The following MAPRE2 variants were observed in gnomAD, a reference collection of about 807,000 sequenced individuals.
MAPRE2 encodes microtubule associated protein RP/EB family member 2, also known as microtubule-associated protein RP/EB family member 2.
In MAPRE2, 13 loss-of-function variants were observed where a neutral mutation model predicts 43.2. That is an observed-to-expected ratio of 0.30 (90% confidence interval 0.20 to 0.48). The LOEUF is 0.48. Among genes scored for constraint, MAPRE2 ranks in the 20% least tolerant of loss-of-function variants. The pLI is 0.99. For missense variants in MAPRE2, 161 were observed against 400.2 expected (o/e 0.40, Z 5.10); for synonymous variants, 135 against 148.8 (o/e 0.91, Z 0.68).
At chr18:35,101,350 C>G (rs141533756) in intron 3 of MAPRE2, among the ~76,000 whole-genome samples, 1 of 152,116 alleles carries the variant, frequency 6.6e-6, no homozygotes, top group Non-Finnish European at 1.5e-5. Context: ...AGAAGCACAT[C>G]GTGGAGAATC....
chr18:35,096,781 TTAA>T (rs1908442201), intron 2 of MAPRE2, among the ~76,000 whole-genome samples: 2 of 151,816 alleles, frequency 1.3e-5, no homozygotes, highest in African/African-American at 4.8e-5. Flanking sequence ...GTAATAATAG[TTAA>T]TAAGTATAAG....
chr18:35,078,606 A>C (rs1448569555), intron 2 of MAPRE2, among the ~76,000 whole-genome samples: 1 of 152,194 alleles, frequency 6.6e-6, no homozygotes, highest in Non-Finnish European at 1.5e-5. Flanking sequence ...ATCATAGCCC[A>C]GTACTCTCAT....
intron 1 of MAPRE2, among the ~76,000 whole-genome samples, chr18:35,058,566 A>G (rs1160209608): frequency 6.6e-6 from 1 of 152,206 alleles, no homozygotes; most frequent in African/African-American, 2.4e-5. Context: ...CTTGAACCTC[A>G]AATCTGTAGT....
intron 1 of MAPRE2, among the ~76,000 whole-genome samples, chr18:34,986,015 C>G (rs2097020817): frequency 6.6e-6 from 1 of 151,908 alleles, no homozygotes; most frequent in Non-Finnish European, 1.5e-5. Context: ...AAGTCTTCTG[C>G]TAACAGGCAA....
intron 2 of MAPRE2, among the ~76,000 whole-genome samples, chr18:35,078,401 A>T (rs1343319026): frequency 6.6e-6 from 1 of 152,232 alleles, no homozygotes; most frequent in African/African-American, 2.4e-5. Context: ...CATTAGGGGT[A>T]TAATGATGTC....
intron 1 of MAPRE2, among the ~76,000 whole-genome samples, chr18:35,047,079 C>G (rs1197070254): frequency 6.6e-6 from 1 of 152,186 alleles, no homozygotes; most frequent in Non-Finnish European, 1.5e-5. Context: ...GGGCCAATTC[C>G]TCTGACAGTT....
chr18:35,003,101 G>T (rs1239275511), intron 1 of MAPRE2, among the ~76,000 whole-genome samples: 1 of 152,130 alleles, frequency 6.6e-6, no homozygotes, highest in Non-Finnish European at 1.5e-5. Context: ...GACAATGAGA[G>T]CTCTACTCCT....
chr18:35,058,001 G>T (rs753782914), intron 1 of MAPRE2, among the ~76,000 whole-genome samples: 3 of 152,196 alleles, frequency 2.0e-5, no homozygotes, highest in Admixed American at 6.5e-5. Context: ...TATATAATTT[G>T]CAGTTTCTTC....
chr18:35,064,000 TAAAAAAAAAAAAAAAAAAAA>T (rs575347953), intron 1 of MAPRE2, among the ~76,000 whole-genome samples: 21 of 33,974 alleles, frequency 6.2e-4, no homozygotes, highest in South Asian at 1.8e-3. Context: ...CCTGTCTCTT[TAAAAAAAAAAAAAAAAAAAA>T]AAAAAAAAAA....
At chr18:35,057,195 A>G (rs572912873) in intron 1 of MAPRE2, among the ~76,000 whole-genome samples, 54 of 152,160 alleles carry the variant, frequency 3.5e-4, no homozygotes, top group African/African-American at 1.1e-3. Context: ...TTGTATTTTT[A>G]GTAGAGATGG....
At chr18:35,101,510 C>G (rs999324391) in intron 3 of MAPRE2, among the ~76,000 whole-genome samples, 5 of 152,134 alleles carry the variant, frequency 3.3e-5, no homozygotes, top group Non-Finnish European at 7.4e-5. Flanking sequence ...TTCTTTCTAA[C>G]TTTTTTGTAC....
intron 1 of MAPRE2, among the ~76,000 whole-genome samples, chr18:35,065,588 C>T (rs1282580928): frequency 1.3e-5 from 2 of 151,842 alleles, no homozygotes; most frequent in Admixed American, 6.6e-5. Context: ...CGGAGTTTCA[C>T]TGTCACCCAG....
At chr18:35,082,797 T>A (rs1907704428) in intron 2 of MAPRE2, among the ~76,000 whole-genome samples, 1 of 152,144 alleles carries the variant, frequency 6.6e-6, no homozygotes, top group Non-Finnish European at 1.5e-5. Context: ...GTTGTTTTTT[T>A]ATTGGGCAGA....
intron 2 of MAPRE2, among the ~76,000 whole-genome samples, chr18:35,020,969 G>T (rs772362654): frequency 2.6e-5 from 4 of 152,116 alleles, no homozygotes; most frequent in Non-Finnish European, 5.9e-5. Flanking sequence ...ACAGAATTAG[G>T]GGTATCCTGG....
intron 3 of MAPRE2, among the ~76,000 whole-genome samples, chr18:35,099,634 T>G (rs1301730620): frequency 8.5e-5 from 13 of 152,056 alleles, no homozygotes; most frequent in Admixed American, 8.5e-4. Context: ...AAATAAAAAT[T>G]TTAAAGCAAT....
upstream of MAPRE2, chr18:35,041,391 G>A (rs534481770): frequency 9.3e-5 from 139 of 1,496,320 alleles, no homozygotes; most frequent in African/African-American, 1.8e-3. Context: ...CCGCAGGAGG[G>A]CGGGGCGCGA....
rs1177502760 is a variant in MAPRE2, at chr18:35,140,696, C to T, written c.*327C>T. 1.6e-5 allele frequency: 5 copies of T among 305,394 alleles called. No individual in the cohort carries two copies. 18.9% of individuals were successfully genotyped at this position (305,394 alleles called of 1,614,324 possible). On this transcript the variant is annotated 3_prime_UTR_variant, in exon 7 of 7. Transcript: ENST00000300249. ...TCCCACCCCAACACCACTGCCACCA[C>T]CCCTCTTTTTATCCTGGTGTGAAAC...
At chr18:35,114,143 T>A (rs537735872) in intron 4 of MAPRE2, among the ~76,000 whole-genome samples, 1 of 152,316 alleles carries the variant, frequency 6.6e-6, no homozygotes, top group East Asian at 1.9e-4. Flanking sequence ...GAATCCATGC[T>A]CTTTCATCAT....
chr18:35,094,237 T>C (rs1908299792), intron 2 of MAPRE2, among the ~76,000 whole-genome samples: 1 of 152,236 alleles, frequency 6.6e-6, no homozygotes. Context: ...TATATAATTA[T>C]TTATCAAAAA....
Sources: gnomAD v4.1 joint callset for allele counts (sites outside exome capture counted in the v4.1 genomes callset) on GRCh38, gnomAD v4.1.1 for gene constraint, MANE v1.5 for transcripts, NCBI Gene and HGNC (gene_info 2026-07-23, HGNC 2026-07-21) for gene names.